Variants in PTPN1 observed in about 807,000 individuals in gnomAD.
The protein encoded by PTPN1 is tyrosine-protein phosphatase non-receptor type 1.
In PTPN1, 12 loss-of-function variants were observed where a neutral mutation model predicts 59.9. That is an observed-to-expected ratio of 0.20 (90% CI 0.13 to 0.32). The LOEUF is 0.32. PTPN1 is among the 10% of genes least tolerant of loss of function. The pLI is 1.00. For missense variants in PTPN1, 356 were observed against 549.2 expected, an observed-to-expected ratio of 0.65 and a Z score of 3.52; for synonymous variants, 178 against 203.6, an observed-to-expected ratio of 0.87 and a Z score of 1.07.
At chr20:50,573,870 T>C (rs1280029648) in intron 4 of PTPN1, 3 of 152,210 alleles carry the variant, frequency 2.0e-5, no homozygotes, top group Admixed American at 6.5e-5. Context: ...TAAAGAAAAA[T>C]TTAATGAGCT....
At chr20:50,524,877 T>C (rs1030813898) in intron 1 of PTPN1, among the ~76,000 whole-genome samples, 4 of 150,578 alleles carry the variant, frequency 2.7e-5, no homozygotes, top group Non-Finnish European at 5.9e-5. Flanking sequence ...GCCCAGCCTA[T>C]GTGCTCTTAT....
intron 1 of PTPN1, among the ~76,000 whole-genome samples, chr20:50,524,488 G>A (rs985125144): frequency 6.6e-6 from 1 of 150,406 alleles, no homozygotes; most frequent in African/African-American, 2.5e-5. Flanking sequence ...CTGCCACTAT[G>A]AGAATAAAGG....
At position 50,565,056 on chromosome 20, in the gene PTPN1, A is replaced by G; in HGVS notation, c.242A>G (p.Tyr81Cys). 6.2e-7 allele frequency: 1 copy of G among 1,612,416 alleles called. No individual in the cohort carries two copies. The highest frequency in any genetic ancestry group is 8.5e-7 in the Non-Finnish European group (1 of 1,179,528). ...LIKMEEAQRS[Y>C]ILTQGPLPNT... ...AAAATGGAAGAAGCCCAAAGGAGTTACATTCTTACCCAGGTAAGCAGATTG... is the reference window on the plus strand; with the variant it reads ...AAAATGGAAGAAGCCCAAAGGAGTTGCATTCTTACCCAGGTAAGCAGATTG... Residue 81 changes from tyrosine to cysteine, a missense_variant, in exon 3 of 10, where the codon TAC becomes TGC. Coordinates refer to ENST00000371621, the MANE Select transcript of PTPN1 (RefSeq NM_002827.4).
intron 1 of PTPN1, among the ~76,000 whole-genome samples, chr20:50,533,694 C>G (rs991968524): frequency 3.9e-5 from 6 of 152,022 alleles, no homozygotes; most frequent in Admixed American, 6.6e-5. Context: ...ACCCTTGCCC[C>G]CCCCCAGAAA....
At chr20:50,581,937 G>T (rs138442290) in intron 9 of PTPN1, among the ~76,000 whole-genome samples, 99 of 152,276 alleles carry the variant, frequency 6.5e-4, no homozygotes, top group African/African-American at 2.4e-3. Flanking sequence ...ATTTCCCAGG[G>T]AAGGAATCCC....
At chr20:50,530,127 G>A (rs1184292963) in intron 1 of PTPN1, among the ~76,000 whole-genome samples, 1 of 151,248 alleles carries the variant, frequency 6.6e-6, no homozygotes, top group African/African-American at 2.4e-5. Flanking sequence ...ACCTGCCTTG[G>A]CCTCCCAAAG....
chr20:50,541,433 C>A (rs758752536), intron 1 of PTPN1, among the ~76,000 whole-genome samples: 5 of 152,196 alleles, frequency 3.3e-5, no homozygotes, highest in Non-Finnish European at 5.9e-5. Context: ...CCAAGCTAGA[C>A]CTACGAGTGT....
intron 1 of PTPN1, among the ~76,000 whole-genome samples, chr20:50,554,380 A>ATCTCTCTCTCTCTCTCTCTCTCTC (rs1555829975): frequency 1.9e-3 from 267 of 140,232 alleles, no homozygotes; most frequent in African/African-American, 6.9e-3. Context: ...GCAAGACCAC[A>ATCTCTCTCTCTCTCTCTCTCTCTC]TCTCTCTCTC....
At chr20:50,526,181 T>C (rs568931630) in intron 1 of PTPN1, among the ~76,000 whole-genome samples, 9 of 152,292 alleles carry the variant, frequency 5.9e-5, no homozygotes, top group African/African-American at 2.2e-4. Context: ...AGTCAATAAA[T>C]TGCCATAGTG....
chr20:50,511,748 A>G (rs1046948023), intron 1 of PTPN1, among the ~76,000 whole-genome samples: 5 of 152,228 alleles, frequency 3.3e-5, no homozygotes, highest in African/African-American at 1.2e-4. Flanking sequence ...TGTTAAGATT[A>G]ACTAAAACCA....
intron 5 of PTPN1, among the ~76,000 whole-genome samples, chr20:50,576,876 AAAT>A (rs1257377306): frequency 6.6e-6 from 1 of 152,256 alleles, no homozygotes; most frequent in Non-Finnish European, 1.5e-5. Flanking sequence ...CTCTGTCTCA[AAAT>A]AATAATAATA....
chr20:50,539,575 T>G (rs2082639583), intron 1 of PTPN1, among the ~76,000 whole-genome samples: 1 of 152,110 alleles, frequency 6.6e-6, no homozygotes, highest in Non-Finnish European at 1.5e-5. Flanking sequence ...ACAGTCTAAT[T>G]ATCTTTTGCT....
At position 50,529,036 on chromosome 20, in the gene PTPN1, A is replaced by G. The variant is rs568467448; in HGVS notation, c.63+18446A>G. On this transcript the variant is annotated intron_variant, in intron 1 of 9. Coordinates refer to ENST00000371621, the MANE Select transcript of PTPN1 (RefSeq NM_002827.4). ...TGGTGGCTCCCTCATGGTGCCTTGCATGGAATTGGACTTCGTTTCAGTGGA... is the reference window on the plus strand; with the variant it reads ...TGGTGGCTCCCTCATGGTGCCTTGCGTGGAATTGGACTTCGTTTCAGTGGA... 1.2e-4 allele frequency among the ~76,000 whole-genome samples: 18 copies of G among 152,244 alleles called. No individual in the cohort carries two copies. The South Asian group carries it at 3.3e-3, about 28-fold the overall frequency.
chr20:50,533,460 C>G, intron 1 of PTPN1, among the ~76,000 whole-genome samples: 1 of 151,378 alleles, frequency 6.6e-6, no homozygotes, highest in East Asian at 1.9e-4. Flanking sequence ...CGCCCCCAGC[C>G]TGGATGCACT....
chr20:50,560,939 G>T (rs966626733), intron 1 of PTPN1, among the ~76,000 whole-genome samples: 2 of 152,010 alleles, frequency 1.3e-5, no homozygotes, highest in Non-Finnish European at 2.9e-5. Flanking sequence ...TTTAATAATC[G>T]TAGCTTTATA....
At chr20:50,532,433 G>T (rs2082605570) in intron 1 of PTPN1, among the ~76,000 whole-genome samples, 1 of 152,216 alleles carries the variant, frequency 6.6e-6, no homozygotes, top group African/African-American at 2.4e-5. Flanking sequence ...AAGCATGAAA[G>T]TACAGACAGT....
chr20:50,544,050 T>C (rs1190115953), intron 1 of PTPN1, among the ~76,000 whole-genome samples: 1 of 152,154 alleles, frequency 6.6e-6, no homozygotes, highest in African/African-American at 2.4e-5. Context: ...TTCACCATGT[T>C]GTCCAGGCTG....
intron 1 of PTPN1, among the ~76,000 whole-genome samples, chr20:50,543,884 C>T (rs571848848): frequency 9.5e-4 from 145 of 152,074 alleles, no homozygotes; most frequent in African/African-American, 3.3e-3. Flanking sequence ...CTCACTCTGT[C>T]ACCCAGGCTG....
chr20:50,557,256 G>T (rs2122771770), intron 1 of PTPN1, among the ~76,000 whole-genome samples: 1 of 152,038 alleles, frequency 6.6e-6, no homozygotes, highest in Non-Finnish European at 1.5e-5. Context: ...CAGAGACAGG[G>T]TCTTAACTCT....
Sources: allele counts gnomAD v4.1 joint callset (sites outside exome capture counted in the v4.1 genomes callset), GRCh38; gene constraint gnomAD v4.1.1; transcripts MANE v1.5; gene names NCBI Gene and HGNC (gene_info 2026-07-23, HGNC 2026-07-21).